FGGY: variants seen among roughly 807,000 people sequenced by gnomAD.
FGGY encodes the protein FGGY carbohydrate kinase domain containing, also known as FGGY carbohydrate kinase domain-containing protein.
Under a neutral mutation model 71.3 loss-of-function variants are expected in FGGY, and 72 were observed. The ratio of observed to expected loss-of-function variants is 1.01; its 90% CI spans 0.84 to 1.23. FGGY has a LOEUF of 1.23. Ranked by LOEUF, FGGY falls within the 50% of genes most tolerant of loss-of-function variation. The probability of loss-of-function intolerance (pLI) is 0.00; values close to 1 mark genes in which losing one functional copy is unlikely to be tolerated. For missense variants in FGGY, 668 were observed against 682.3 expected (o/e 0.98, Z 0.23); for synonymous variants, 251 against 250.3 (o/e 1.00, Z -0.02).
intron 4 of FGGY, among the ~76,000 whole-genome samples, chr1:59,359,227 A>G (rs569015259): frequency 1.1e-4 from 17 of 152,238 alleles, no homozygotes; most frequent in South Asian, 1.0e-3. Flanking sequence ...CTTCACTTTG[A>G]TTAGAGAAAG....
chr1:59,395,313 T>G (rs1255961456), intron 5 of FGGY, among the ~76,000 whole-genome samples: 1 of 152,100 alleles, frequency 6.6e-6, no homozygotes, highest in African/African-American at 2.4e-5. Flanking sequence ...AAAGCTGCAA[T>G]AGTTTGTTCC....
At chr1:59,558,042 C>T (rs2095718944) in intron 8 of FGGY, among the ~76,000 whole-genome samples, 1 of 152,060 alleles carries the variant, frequency 6.6e-6, no homozygotes, top group Admixed American at 6.5e-5. Flanking sequence ...CATACGCTGC[C>T]CCCACCACTT....
chr1:59,590,294 T>A (rs568366107), intron 8 of FGGY, among the ~76,000 whole-genome samples: 63 of 152,132 alleles, frequency 4.1e-4, no homozygotes, highest in Non-Finnish European at 7.4e-4. Context: ...TGGCAATAAT[T>A]AATAGCTTAC....
In FGGY at chr1:59,302,417, G is replaced by A. The variant is rs185441319; in HGVS notation, c.-15+5267G>A. 1.4e-3 allele frequency among the ~76,000 whole-genome samples: 217 copies of A among 152,148 alleles called. 1 individual carries two copies. The highest frequency in any genetic ancestry group is 4.8e-3 in the African/African-American group (198 of 41,488). The stretch of plus-strand genomic sequence containing the variant: ...AAGACATGGAATCAGTCTAAATGCC[G>A]GTCAATGGTAGATTGGATAAAGAAA... On this transcript the variant is annotated intron_variant, in intron 1 of 15. Coordinates refer to ENST00000303721, the MANE Select transcript of FGGY (RefSeq NM_018291.5).
chr1:59,714,160 CA>C (rs1298232403), intron 14 of FGGY, among the ~76,000 whole-genome samples: 32 of 152,124 alleles, frequency 2.1e-4, no homozygotes, highest in Admixed American at 2.1e-3. Context: ...GTCTAGGACT[CA>C]AAGGTGAGTT....
chr1:59,622,362 T>C (rs1341476008), intron 9 of FGGY, among the ~76,000 whole-genome samples: 2 of 152,134 alleles, frequency 1.3e-5, no homozygotes, highest in East Asian at 3.8e-4. Context: ...ATATGTATAA[T>C]GATTTGGGGT....
intron 5 of FGGY, among the ~76,000 whole-genome samples, chr1:59,429,249 G>GT (rs72303962): frequency 0.22 from 32,865 of 149,240 alleles, 3,624 homozygotes; most frequent in African/African-American, 0.29. Context: ...AATAATTCTG[G>GT]TTTTTTTTTT....
At chr1:59,590,618 G>A (rs1169810227) in intron 8 of FGGY, among the ~76,000 whole-genome samples, 1 of 152,188 alleles carries the variant, frequency 6.6e-6, no homozygotes, top group Admixed American at 6.5e-5. Flanking sequence ...TCCCTGGGAT[G>A]TAAGGCTGGT....
At chr1:59,704,003 A>G (rs2097732018) in intron 14 of FGGY, among the ~76,000 whole-genome samples, 1 of 152,198 alleles carries the variant, frequency 6.6e-6, no homozygotes, top group Non-Finnish European at 1.5e-5. Flanking sequence ...TGTTTTATCA[A>G]GATGACAAGA....
chr1:59,306,882 C>T (rs965191248), intron 1 of FGGY, among the ~76,000 whole-genome samples: 1 of 152,172 alleles, frequency 6.6e-6, no homozygotes, highest in Admixed American at 6.5e-5. Context: ...CTGAGCTACA[C>T]TGAAATCCAT....
intron 14 of FGGY, among the ~76,000 whole-genome samples, chr1:59,720,026 T>C (rs2097875662): frequency 6.6e-6 from 1 of 152,356 alleles, no homozygotes; most frequent in South Asian, 2.1e-4. Flanking sequence ...AGTGGTGTGA[T>C]TTCCTCCTCA....
At chr1:59,580,127 TAAC>T (rs1307193570) in intron 8 of FGGY, among the ~76,000 whole-genome samples, 2 of 152,178 alleles carry the variant, frequency 1.3e-5, no homozygotes, top group Non-Finnish European at 2.9e-5. Flanking sequence ...TATATTAAAA[TAAC>T]AACACTTGCC....
chr1:59,534,786 G>C (rs2095265812), intron 7 of FGGY, among the ~76,000 whole-genome samples: 1 of 151,986 alleles, frequency 6.6e-6, no homozygotes, highest in African/African-American at 2.4e-5. Context: ...AATGCTGAGA[G>C]ATTTTGTCAC....
intron 14 of FGGY, among the ~76,000 whole-genome samples, chr1:59,689,958 C>T (rs1210869198): frequency 6.6e-6 from 1 of 152,190 alleles, no homozygotes; most frequent in African/African-American, 2.4e-5. Context: ...GAAATTCCTA[C>T]CAAGTTGGCC....
intron 11 of FGGY, among the ~76,000 whole-genome samples, chr1:59,658,421 C>G (rs538309486): frequency 6.6e-6 from 1 of 152,160 alleles, no homozygotes; most frequent in Non-Finnish European, 1.5e-5. Context: ...ATTAAAAAAT[C>G]AAAGCCATCA....
chr1:59,472,336 GAACCTGCA>G (rs1456535537), intron 6 of FGGY, among the ~76,000 whole-genome samples: 1 of 152,220 alleles, frequency 6.6e-6, no homozygotes, highest in Non-Finnish European at 1.5e-5. Context: ...GCAGGGCTCG[GAACCTGCA>G]GCCCGCCATG....
intron 14 of FGGY, among the ~76,000 whole-genome samples, chr1:59,715,485 T>C (rs1404937830): frequency 6.6e-6 from 1 of 152,218 alleles, no homozygotes; most frequent in African/African-American, 2.4e-5. Context: ...TTGGTTCCCC[T>C]TGGGTCAATG....
chr1:59,446,136 T>C lies in FGGY; in HGVS notation c.555-10825T>C, dbSNP rs114322258. The stretch of plus-strand genomic sequence containing the variant: ...TTTACTTTCCTGCTTTCTCTCATAT[T>C]GCCTCTAATTAGTACCGTCCTTATT... On this transcript the variant is annotated intron_variant, in intron 5 of 15. Coordinates refer to ENST00000303721, the MANE Select transcript of FGGY (RefSeq NM_018291.5). Among the ~76,000 whole-genome samples, 992 of 152,354 alleles carry C rather than the reference T, an allele frequency of 6.5e-3. 9 individuals are homozygous for C. The highest frequency in any genetic ancestry group is 0.023 in the African/African-American group (955 of 41,590).
chr1:59,368,975 G>C (rs1458715722), intron 4 of FGGY, among the ~76,000 whole-genome samples: 1 of 152,162 alleles, frequency 6.6e-6, no homozygotes, highest in Non-Finnish European at 1.5e-5. Context: ...ACAGCTCCCA[G>C]TGTGAGCAAC....
Sources: allele counts gnomAD v4.1 joint callset (sites outside exome capture counted in the v4.1 genomes callset), GRCh38; gene constraint gnomAD v4.1.1; transcripts MANE v1.5; gene names NCBI Gene and HGNC (gene_info 2026-07-23, HGNC 2026-07-21).